MCCC2: variants seen among roughly 807,000 people sequenced by gnomAD.
The protein encoded by MCCC2 is methylcrotonyl-CoA carboxylase subunit 2.
MCCC2 carries 52 observed loss-of-function variants against 77.2 expected under a neutral mutation model. That is an observed-to-expected ratio of 0.67 (90% CI 0.54 to 0.85). The LOEUF is 0.85. MCCC2 is among the 40% of genes least tolerant of loss of function. The pLI is 0.00. For synonymous variants in MCCC2, 253 were observed against 248.4 expected, an observed-to-expected ratio of 1.02 and a Z score of -0.18; for missense variants, 682 against 703.2, an observed-to-expected ratio of 0.97 and a Z score of 0.34.
At chr5:71,654,860 CAG>C (rs1290163788) in intron 16 of MCCC2, among the ~76,000 whole-genome samples, 4 of 140,944 alleles carry the variant, frequency 2.8e-5, no homozygotes, top group East Asian at 4.1e-4. Flanking sequence ...TTTTTTGAGA[CAG>C]AGTTTCTTGT....
At chr5:71,635,788 A>G (rs950835878) in intron 10 of MCCC2, 2 of 177,952 alleles carry the variant, frequency 1.1e-5, no homozygotes, top group African/African-American at 4.8e-5. Flanking sequence ...TTCAGTATCC[A>G]TAGTTGGCAG....
rs1212317951 is a variant in MCCC2 at position 71,634,980 on chromosome 5, C to T, written c.841C>T (p.His281Tyr). The T allele has an allele frequency of 1.1e-5, 17 of 1,614,112 alleles. No homozygotes were observed. Among genetic ancestry groups the T allele is most frequent in the Non-Finnish European group, 1.4e-5 (16 of 1,180,018 alleles). Residue 281 changes from histidine (H) to tyrosine (Y), a missense_variant, in exon 9 of 17, where the codon CAT (histidine) becomes TAT (tyrosine). By Grantham distance (83) the His-to-Tyr change is moderately conservative. Coordinates refer to ENST00000340941, the MANE Select transcript of MCCC2 (RefSeq NM_022132.5). ...GVSDHWALDD[H>Y]HALHLTRKVV... Reference sequence around the variant, plus strand: ...AAGTGACCACTGGGCTTTGGATGATCATCATGCCCTTCACTTAACTAGGAA... The same window carrying T: ...AAGTGACCACTGGGCTTTGGATGATTATCATGCCCTTCACTTAACTAGGAA...
At position 71,610,310 on chromosome 5, in the gene MCCC2, G is replaced by T. The variant is rs554355082; in HGVS notation, c.624+5842G>T. ...AGCTGGTCCGAAAAGCGCAATATTC[G>T]GGTGGGAGTGACCCGATTTTCCAGG... On this transcript the variant is annotated intron_variant, in intron 6 of 16. Coordinates refer to ENST00000340941, the MANE Select transcript of MCCC2 (RefSeq NM_022132.5). Among the ~76,000 whole-genome samples, 4 of 152,290 alleles carry T rather than the reference G, an allele frequency of 2.6e-5. No individual in the cohort carries two copies. The East Asian group carries it at 7.7e-4, about 29-fold the overall frequency.
At chr5:71,627,883 G>A (rs1331564092) in intron 7 of MCCC2, among the ~76,000 whole-genome samples, 2 of 151,048 alleles carry the variant, frequency 1.3e-5, no homozygotes, top group Non-Finnish European at 2.9e-5. Flanking sequence ...TCACACTGTT[G>A]CCCAGGCTGG....
intron 6 of MCCC2, among the ~76,000 whole-genome samples, chr5:71,611,253 T>A (rs1380118191): frequency 6.6e-6 from 1 of 151,890 alleles, no homozygotes; most frequent in Non-Finnish European, 1.5e-5. Context: ...AATAAAAAAT[T>A]AGCCGAGTGT....
intron 6 of MCCC2, among the ~76,000 whole-genome samples, chr5:71,613,132 C>G (rs1746027647): frequency 6.6e-6 from 1 of 152,226 alleles, no homozygotes; most frequent in South Asian, 2.1e-4. Context: ...TAGGGACCAC[C>G]CAGGTAATCC....
At chr5:71,633,116 TATATATATATATATA>T (rs1561841331) in intron 8 of MCCC2, among the ~76,000 whole-genome samples, 9 of 107,444 alleles carry the variant, frequency 8.4e-5, no homozygotes, top group African/African-American at 3.0e-4. Flanking sequence ...TATATATATA[TATATATATATATATA>T]TTTTTATTTT....
chr5:71,603,702 C>T (rs1745547726), intron 5 of MCCC2, among the ~76,000 whole-genome samples: 1 of 152,168 alleles, frequency 6.6e-6, no homozygotes, highest in Non-Finnish European at 1.5e-5. Flanking sequence ...CTTCAGCGAG[C>T]TCATAATGAA....
intron 2 of MCCC2, among the ~76,000 whole-genome samples, chr5:71,595,089 G>T (rs534128941): frequency 7.2e-6 from 1 of 139,780 alleles, no homozygotes; most frequent in Non-Finnish European, 1.5e-5. Flanking sequence ...TAGTAGAGAT[G>T]GGGTTTCACC....
At position 71,609,186 on chromosome 5, in the gene MCCC2, C is replaced by T. The variant is rs570088204; in HGVS notation, c.624+4718C>T. On this transcript the variant is annotated intron_variant, in intron 6 of 16. Coordinates refer to ENST00000340941, the MANE Select transcript of MCCC2 (RefSeq NM_022132.5). Reference sequence around the variant, plus strand: ...GTTTTCCAACTTGGTTCCATTCTCCCCATCACTTTCAGGTACACCAATCAG... The same window carrying T: ...GTTTTCCAACTTGGTTCCATTCTCCTCATCACTTTCAGGTACACCAATCAG... Among the ~76,000 whole-genome samples, 14 of 150,810 alleles carry T rather than the reference C, an allele frequency of 9.3e-5. No individual in the cohort carries two copies. In the South Asian group the frequency reaches 2.5e-3, roughly 27 times the overall value.
intron 1 of MCCC2, among the ~76,000 whole-genome samples, chr5:71,588,669 A>G (rs1213033193): frequency 1.3e-5 from 2 of 152,204 alleles, no homozygotes; most frequent in Non-Finnish European, 2.9e-5. Flanking sequence ...AAAGCTACCG[A>G]TAGGAAGTAA....
At chr5:71,596,424 C>A in intron 3 of MCCC2, 60 bp downstream of exon 3, 1 of 1,388,278 alleles carries the variant, frequency 7.2e-7, no homozygotes, top group Non-Finnish European at 1.0e-6. Context: ...CTTTATTAGA[C>A]AGTCTTGTAA....
At chr5:71,615,228 C>G (rs1344943227) in intron 6 of MCCC2, among the ~76,000 whole-genome samples, 1 of 152,200 alleles carries the variant, frequency 6.6e-6, no homozygotes, top group Admixed American at 6.5e-5. Flanking sequence ...CTCGACCTCC[C>G]AGAGTGCTAG....
chr5:71,622,478 T>C (rs1045684666), intron 6 of MCCC2, among the ~76,000 whole-genome samples: 14 of 152,332 alleles, frequency 9.2e-5, no homozygotes, highest in South Asian at 2.1e-4. Context: ...CTTACCCATT[T>C]GATGTGTACA....
chr5:71,637,990 G>A (rs1746988814), intron 10 of MCCC2, among the ~76,000 whole-genome samples: 1 of 152,050 alleles, frequency 6.6e-6, no homozygotes, highest in South Asian at 2.1e-4. Context: ...GGGATTACAG[G>A]CATCACCCAC....
intron 5 of MCCC2, chr5:71,603,193 A>ATT (rs1234841876): frequency 1.3e-5 from 2 of 155,582 alleles, no homozygotes; most frequent in Non-Finnish European, 2.8e-5. Flanking sequence ...CAGGCGGATC[A>ATT]TGAGGTCAGG....
At chr5:71,629,039 C>T (rs1188599519) in intron 7 of MCCC2, among the ~76,000 whole-genome samples, 1 of 151,940 alleles carries the variant, frequency 6.6e-6, no homozygotes, top group Non-Finnish European at 1.5e-5. Context: ...AACCCCATGT[C>T]TCCTGAAAAT....
chr5:71,596,299 A>G lies in MCCC2; in HGVS notation c.216A>G (p.Arg72=), dbSNP rs767344659. Residue 72 remains arginine, a synonymous_variant, in exon 3 of 17, where the codon CGA becomes CGG. Transcript: ENST00000340941. Reference sequence around the variant, plus strand: ...TCATAGGAGGTGGTGAGAAAGCCCGAGCACTTCACATATCAAGAGGAAAAC... The same window carrying G: ...TCATAGGAGGTGGTGAGAAAGCCCGGGCACTTCACATATCAAGAGGAAAAC... ...HIKLGGGEKA[R]ALHISRGKLL... The G allele has an allele frequency of 1.9e-6, 3 of 1,614,132 alleles. No homozygotes were observed. Among genetic ancestry groups the G allele is most frequent in the Non-Finnish European group, 2.5e-6 (3 of 1,180,006 alleles).
At position 71,643,807 on chromosome 5, in the gene MCCC2, C is replaced by A; in HGVS notation, c.1073-12C>A. On this transcript the variant is annotated splice_polypyrimidine_tract_variant and intron_variant, in intron 11 of 16. Coordinates refer to ENST00000340941, the MANE Select transcript of MCCC2 (RefSeq NM_022132.5). Reference sequence around the variant, plus strand: ...GCACAAGACATAAATCTTCTTTGAACTTTCTTTTGAGGATTTGCTCGAATA... The same window carrying A: ...GCACAAGACATAAATCTTCTTTGAAATTTCTTTTGAGGATTTGCTCGAATA... 1 of 1,614,046 alleles carries A rather than the reference C, an allele frequency of 6.2e-7. No individual in the cohort carries two copies. The highest frequency in any genetic ancestry group is 8.5e-7 in the Non-Finnish European group (1 of 1,179,988).
Sources: gnomAD v4.1 joint callset for allele counts (sites outside exome capture counted in the v4.1 genomes callset) on GRCh38, gnomAD v4.1.1 for gene constraint, MANE v1.5 for transcripts, NCBI Gene and HGNC (gene_info 2026-07-23, HGNC 2026-07-21) for gene names.